CAB39: variants seen among roughly 807,000 people sequenced by gnomAD.
The protein encoded by CAB39 is calcium binding protein 39.
A neutral mutation model predicts 40.0 loss-of-function variants in CAB39; 8 were observed. The observed-to-expected ratio is 0.20, with a 90% CI of 0.12 to 0.36. The LOEUF is 0.36. Ranked by LOEUF, CAB39 falls within the 10% of genes least tolerant of loss-of-function variation. The pLI, the probability that CAB39 is intolerant of heterozygous loss-of-function variation, is 1.00. For missense variants in CAB39, 270 were observed against 401.1 expected (o/e 0.67, Z 2.79); for synonymous variants, 156 against 141.6 (o/e 1.10, Z -0.72).
intron 7 of CAB39, among the ~76,000 whole-genome samples, chr2:230,814,732 A>G (rs2124985215): frequency 6.6e-6 from 1 of 152,316 alleles, no homozygotes; most frequent in East Asian, 1.9e-4. Flanking sequence ...AGAATTAAGT[A>G]GATGCCTCAG....
At chr2:230,812,211 C>T (rs144556670) in intron 6 of CAB39, among the ~76,000 whole-genome samples, 62 of 152,286 alleles carry the variant, frequency 4.1e-4, no homozygotes, top group Non-Finnish European at 7.1e-4. Context: ...GACCTGAAAC[C>T]GGTTTCTCTC....
chr2:230,811,111 G>T (rs1422295442), intron 6 of CAB39, among the ~76,000 whole-genome samples: 1 of 152,200 alleles, frequency 6.6e-6, no homozygotes, highest in East Asian at 1.9e-4. Context: ...TACCCGTAAA[G>T]AGGTTAGAAG....
chr2:230,807,459 G>T (rs1696221079), intron 5 of CAB39, among the ~76,000 whole-genome samples: 1 of 147,828 alleles, frequency 6.8e-6, no homozygotes, highest in African/African-American at 2.5e-5. Context: ...TTAACAAAGG[G>T]TTTTCATCCT....
intron 1 of CAB39, among the ~76,000 whole-genome samples, chr2:230,714,842 C>T (rs541224095): frequency 1.8e-4 from 28 of 152,230 alleles, no homozygotes; most frequent in Middle Eastern, 3.4e-3. Flanking sequence ...CTAGAATATA[C>T]GATCTGTGAA....
chr2:230,737,495 G>A (rs1054164702), intron 1 of CAB39, among the ~76,000 whole-genome samples: 1 of 152,152 alleles, frequency 6.6e-6, no homozygotes, highest in Non-Finnish European at 1.5e-5. Context: ...AGCATTTGGG[G>A]AGATAGAAAA....
intron 2 of CAB39, among the ~76,000 whole-genome samples, chr2:230,772,868 A>G (rs1695508847): frequency 6.6e-6 from 1 of 151,578 alleles, no homozygotes; most frequent in African/African-American, 2.4e-5. Flanking sequence ...CAAGAAATAT[A>G]TGTTCATGAA....
intron 8 of CAB39, chr2:230,818,270 T>C (rs1379460531): frequency 2.7e-5 from 13 of 486,230 alleles, no homozygotes; most frequent in Middle Eastern, 5.2e-4. Context: ...AGTCTGTATT[T>C]AATACTAAAC....
chr2:230,793,461 A>T lies in CAB39; in HGVS notation c.398+130A>T, dbSNP rs1695925613. On this transcript the variant is annotated intron_variant, in intron 4 of 8. Transcript: ENST00000258418. ...TTAGATAATTTTTCCATAGATTTTG[A>T]ACACATTTCCCTCCTTGAAATTCAA... 7 of 448,120 alleles carry T rather than the reference A, an allele frequency of 1.6e-5. No individual in the cohort carries two copies. The South Asian group carries it at 3.4e-4, about 22-fold the overall frequency. 27.8% of individuals were successfully genotyped at this position (448,120 alleles called of 1,614,324 possible). A position where few individuals can be genotyped will look rare whatever the true frequency, so the allele number is the denominator to read the frequency against.
rs541339527 is a variant in CAB39 at position 230,758,927 on chromosome 2, C to CA, written c.-43-1030dup. On this transcript the variant is annotated intron_variant, in intron 1 of 8. Coordinates refer to ENST00000258418, the MANE Select transcript of CAB39 (RefSeq NM_016289.4). ...AAAATGGTAACTTCCAACATGTTCCCAAGTCACTTCCATTGTTTGTCTTGT... is the reference window on the plus strand; with the variant it reads ...AAAATGGTAACTTCCAACATGTTCCCAAAGTCACTTCCATTGTTTGTCTTGT... 1.8e-4 allele frequency among the ~76,000 whole-genome samples: 27 copies of CA among 152,286 alleles called. No individual in the cohort carries two copies. In the East Asian group the frequency reaches 5.0e-3, roughly 28 times the overall value.
At chr2:230,732,235 C>T (rs1168478245) in intron 1 of CAB39, among the ~76,000 whole-genome samples, 1 of 152,130 alleles carries the variant, frequency 6.6e-6, no homozygotes, top group African/African-American at 2.4e-5. Flanking sequence ...GCGCCTGCCA[C>T]CACGCGCGGC....
intron 2 of CAB39, among the ~76,000 whole-genome samples, chr2:230,787,555 T>A (rs1695814709): frequency 6.6e-6 from 1 of 152,234 alleles, no homozygotes; most frequent in Non-Finnish European, 1.5e-5. Context: ...GACCTGTCTT[T>A]ACCAAGCAGT....
chr2:230,815,281 T>C (rs934980963), intron 7 of CAB39, among the ~76,000 whole-genome samples: 6 of 152,238 alleles, frequency 3.9e-5, no homozygotes, highest in African/African-American at 1.4e-4. Flanking sequence ...TTTCCATTCA[T>C]TGCTGTTGCT....
rs189566225 is a variant in CAB39, at chr2:230,780,115, G to A, written c.115-10757G>A. Among the ~76,000 whole-genome samples, 615 of 152,230 alleles carry A rather than the reference G, an allele frequency of 4.0e-3. 2 individuals carry two copies. The highest frequency in any genetic ancestry group is 3.5e-3 in the Non-Finnish European group (239 of 68,004). ...ACAGAACTGGCACAATTGCACAGGG[G>A]GTACCTGAGTCAAAGCTAACCTCCT... On this transcript the variant is annotated intron_variant, in intron 2 of 8. Coordinates refer to ENST00000258418, the MANE Select transcript of CAB39 (RefSeq NM_016289.4).
intron 2 of CAB39, among the ~76,000 whole-genome samples, chr2:230,785,110 T>A (rs1695766049): frequency 6.6e-6 from 1 of 152,178 alleles, no homozygotes; most frequent in Admixed American, 6.5e-5. Context: ...GAGAGCTGAT[T>A]TGGAATACAT....
intron 1 of CAB39, among the ~76,000 whole-genome samples, chr2:230,722,450 C>A (rs1181409210): frequency 6.6e-6 from 1 of 152,186 alleles, no homozygotes; most frequent in East Asian, 1.9e-4. Context: ...AGCCACCTTG[C>A]CCAGCTCCAA....
Position 230,793,107 on chromosome 2 carries a change from A to C in CAB39, c.280-106A>C, listed in dbSNP as rs1695918426. 5 of 630,012 alleles carry C rather than the reference A, an allele frequency of 7.9e-6. No individual in the cohort carries two copies. In the South Asian group the frequency reaches 1.1e-4, roughly 13 times the overall value. The allele number at this position is 630,012 out of a possible 1,614,324, so 39.0% of individuals were successfully genotyped here. ...ATGAATGTGTTAAAGTCAGATATTC[A>C]GTCATAACAATAAGTACAATGGCCT... On this transcript the variant is annotated intron_variant, in intron 3 of 8. Transcript: ENST00000258418.
chr2:230,723,327 C>A (rs1307316740), intron 1 of CAB39, among the ~76,000 whole-genome samples: 1 of 148,268 alleles, frequency 6.7e-6, no homozygotes, highest in East Asian at 2.0e-4. Flanking sequence ...TTTTTTTTTT[C>A]TTTCTGGTTT....
At chr2:230,731,571 T>G (rs1018614525) in intron 1 of CAB39, among the ~76,000 whole-genome samples, 20 of 152,216 alleles carry the variant, frequency 1.3e-4, no homozygotes, top group Admixed American at 2.0e-4. Context: ...AGTGTCATCA[T>G]AGCTCACTGT....
At chr2:230,818,418 G>A (rs1696442688) in intron 8 of CAB39, 98 bp from the exon 9 acceptor site, 3 of 949,518 alleles carry the variant, frequency 3.2e-6, no homozygotes, top group Non-Finnish European at 4.8e-6. Flanking sequence ...CGCCATCCCA[G>A]GAGAGCACAG....
Sources: allele counts gnomAD v4.1 joint callset (sites outside exome capture counted in the v4.1 genomes callset), GRCh38; gene constraint gnomAD v4.1.1; transcripts MANE v1.5; gene names NCBI Gene and HGNC (gene_info 2026-07-23, HGNC 2026-07-21).